SLC36A1: variants seen among roughly 807,000 people sequenced by gnomAD.
SLC36A1 encodes the protein solute carrier family 36 member 1.
SLC36A1 carries 30 observed loss-of-function variants against 47.5 expected under a neutral mutation model. The observed-to-expected ratio is 0.63, with a 90% CI of 0.47 to 0.86. The LOEUF (loss-of-function observed/expected upper bound fraction) is 0.86. Among genes scored for constraint, SLC36A1 ranks in the 40% least tolerant of loss-of-function variants. The pLI is 0.00. For missense variants in SLC36A1, 517 were observed against 606.0 expected (o/e 0.85, Z 1.54); for synonymous variants, 255 against 249.7 (o/e 1.02, Z -0.20).
the SLC36A1 span, among the ~76,000 whole-genome samples, chr5:151,369,262 C>T: frequency 6.6e-6 from 1 of 152,156 alleles, no homozygotes; most frequent in Non-Finnish European, 1.5e-5. Context: ...ATTACACAAC[C>T]TCCCTTTGTA....
the SLC36A1 span, chr5:151,521,335 G>T: frequency 1.2e-6 from 2 of 1,614,094 alleles, no homozygotes; most frequent in Non-Finnish European, 1.7e-6. Flanking sequence ...GAGCCTGGCG[G>T]TGCTGTACGT....
chr5:151,521,468 C>G, the SLC36A1 span: 2 of 1,614,116 alleles, frequency 1.2e-6, no homozygotes, highest in Non-Finnish European at 1.7e-6. Context: ...TGCTCCATCT[C>G]CTTGGCTGAG....
intron 9 of SLC36A1, among the ~76,000 whole-genome samples, chr5:151,479,030 G>A (rs1693097820): frequency 6.6e-6 from 1 of 152,072 alleles, no homozygotes; most frequent in Non-Finnish European, 1.5e-5. Context: ...AGCTATACGG[G>A]GGCACCACGA....
At chr5:151,449,497 T>C (rs1753290917) in intron 1 of SLC36A1, among the ~76,000 whole-genome samples, 1 of 152,240 alleles carries the variant, frequency 6.6e-6, no homozygotes, top group Admixed American at 6.5e-5. Flanking sequence ...TATATTCGCC[T>C]GCTCTGGAGT....
the SLC36A1 span, among the ~76,000 whole-genome samples, chr5:151,392,279 GCTT>G: frequency 5.9e-5 from 9 of 151,990 alleles, no homozygotes; most frequent in Admixed American, 5.2e-4. Context: ...GCATCTATTT[GCTT>G]CTTCTCCTTT....
chr5:151,373,923 T>C, the SLC36A1 span, among the ~76,000 whole-genome samples: 1 of 152,090 alleles, frequency 6.6e-6, no homozygotes, highest in Non-Finnish European at 1.5e-5. Context: ...TTTAAATTGC[T>C]CTAAAAGAGA....
chr5:151,371,071 C>T, the SLC36A1 span, among the ~76,000 whole-genome samples: 1 of 152,032 alleles, frequency 6.6e-6, no homozygotes, highest in African/African-American at 2.4e-5. Context: ...GCATCCTTGG[C>T]CTGTACTTAC....
At chr5:151,354,909 G>C in the SLC36A1 span, among the ~76,000 whole-genome samples, 1 of 152,094 alleles carries the variant, frequency 6.6e-6, no homozygotes, top group South Asian at 2.1e-4. Flanking sequence ...ATAATTACCA[G>C]AAAAAAGGAG....
intron 9 of SLC36A1, 65 bp downstream of exon 9, chr5:151,476,821 G>T (rs1318392590): frequency 1.3e-6 from 2 of 1,575,796 alleles, no homozygotes; most frequent in Admixed American, 3.5e-5. Flanking sequence ...GGGTCACAGT[G>T]TGGATTCTCC....
intron 1 of SLC36A1, chr5:151,437,255 G>T (rs1326660250): frequency 6.6e-6 from 1 of 152,154 alleles, no homozygotes; most frequent in African/African-American, 2.4e-5. Context: ...TACAGCTTTG[G>T]AGAACCTGAG....
upstream of SLC36A1, among the ~76,000 whole-genome samples, chr5:151,432,431 G>A (rs886701900): frequency 5.3e-5 from 8 of 152,030 alleles, no homozygotes; most frequent in Non-Finnish European, 1.2e-4. Context: ...GTTTTTGCAG[G>A]CCTCTGAGAG....
the SLC36A1 span, among the ~76,000 whole-genome samples, chr5:151,499,353 G>A: frequency 2.2e-4 from 33 of 152,210 alleles, no homozygotes; most frequent in Admixed American, 7.2e-4. Flanking sequence ...ACCAGCACCT[G>A]GGTCTGGCAC....
chr5:151,355,643 G>A, the SLC36A1 span, among the ~76,000 whole-genome samples: 1 of 152,156 alleles, frequency 6.6e-6, no homozygotes, highest in East Asian at 1.9e-4. Context: ...TGCCATGGCT[G>A]TTAAAAAGAC....
the SLC36A1 span, chr5:151,510,279 ATTTATTTGGTTGCTCCCCTCTGTGCCC>A: frequency 9.0e-6 from 12 of 1,340,736 alleles, no homozygotes; most frequent in African/African-American, 2.9e-5. Flanking sequence ...GTTACCATTT[ATTTATTTGGTTGCTCCCCTCTGTGCCC>A]AATACCGTGC....
the SLC36A1 span, among the ~76,000 whole-genome samples, chr5:151,514,500 A>T: frequency 2.0e-5 from 3 of 152,234 alleles, no homozygotes; most frequent in African/African-American, 7.2e-5. Context: ...CACCTGCTCT[A>T]TACAGACATG....
the SLC36A1 span, among the ~76,000 whole-genome samples, chr5:151,394,048 C>T: frequency 0.5 from 75,529 of 152,076 alleles, 20,755 homozygotes; most frequent in African/African-American, 0.75. Context: ...GCCAATCAGA[C>T]GTAGATTTGG....
At chr5:151,467,331 A>G (rs1274668273) in intron 6 of SLC36A1, 48 bp downstream of exon 6, 2 of 1,233,282 alleles carry the variant, frequency 1.6e-6, no homozygotes, top group African/African-American at 3.0e-5. Context: ...CCAGAGCGAG[A>G]ATGGCAAAAG....
chr5:151,357,297 T>C, the SLC36A1 span, among the ~76,000 whole-genome samples: 1 of 152,066 alleles, frequency 6.6e-6, no homozygotes, highest in Non-Finnish European at 1.5e-5. Flanking sequence ...GAGAGAAAGG[T>C]GGTTGGCTGC....
chr5:151,421,301 G>T, the SLC36A1 span, among the ~76,000 whole-genome samples: 1 of 149,648 alleles, frequency 6.7e-6, no homozygotes, highest in Non-Finnish European at 1.5e-5. Flanking sequence ...GAGTGTGGTG[G>T]CATGATCTTG....
Sources: gnomAD v4.1 joint callset for allele counts (sites outside exome capture counted in the v4.1 genomes callset) on GRCh38, gnomAD v4.1.1 for gene constraint, MANE v1.5 for transcripts, NCBI Gene and HGNC (gene_info 2026-07-23, HGNC 2026-07-21) for gene names.